Variants in PREX1 observed in about 807,000 individuals in gnomAD.
PREX1 encodes phosphatidylinositol-3,4,5-trisphosphate dependent Rac exchange factor 1.
A neutral mutation model predicts 198.3 loss-of-function variants in PREX1; 41 were observed. That is an observed-to-expected ratio of 0.21 (90% CI 0.16 to 0.27). The LOEUF (loss-of-function observed/expected upper bound fraction) is 0.27, where lower values mean the gene tolerates loss of function less well. Among genes scored for constraint, PREX1 ranks in the 10% least tolerant of loss-of-function variants. The pLI is 1.00. For missense variants in PREX1, 1,620 were observed against 2,200.7 expected (o/e 0.74, Z 5.28); for synonymous variants, 843 against 887.2 (o/e 0.95, Z 0.89).
At chr20:48,730,977 C>T (rs1370460628) in intron 4 of PREX1, among the ~76,000 whole-genome samples, 6 of 152,148 alleles carry the variant, frequency 3.9e-5, no homozygotes, top group Admixed American at 2.6e-4. Flanking sequence ...GCCTGGGTGA[C>T]GCAGCGAGAC....
the PREX1 span, among the ~76,000 whole-genome samples, chr20:48,839,723 G>A: frequency 6.6e-6 from 1 of 152,178 alleles, no homozygotes; most frequent in African/African-American, 2.4e-5. Flanking sequence ...ATGCTGTTAG[G>A]TGAGATGTGC....
intron 3 of PREX1, among the ~76,000 whole-genome samples, chr20:48,735,158 G>A (rs575334334): frequency 2.6e-5 from 4 of 152,152 alleles, no homozygotes; most frequent in Admixed American, 6.5e-5. Context: ...AGGGTTTCCC[G>A]TACTGGAAGA....
intron 1 of PREX1, among the ~76,000 whole-genome samples, chr20:48,814,933 CAG>C (rs946229441): frequency 2.6e-5 from 4 of 152,034 alleles, no homozygotes; most frequent in African/African-American, 9.7e-5. Flanking sequence ...TATAAAGACA[CAG>C]AGGCAGAAAC....
intron 5 of PREX1, among the ~76,000 whole-genome samples, chr20:48,718,962 T>G (rs2089973947): frequency 6.6e-6 from 1 of 152,232 alleles, no homozygotes. Context: ...TTACAATATT[T>G]GAGTCACCAA....
the PREX1 span, among the ~76,000 whole-genome samples, chr20:48,853,661 A>C: frequency 6.6e-6 from 1 of 152,150 alleles, no homozygotes; most frequent in Non-Finnish European, 1.5e-5. Context: ...GCACACACAC[A>C]CATCCAACGC....
chr20:48,866,130 G>C, the PREX1 span, among the ~76,000 whole-genome samples: 1 of 152,044 alleles, frequency 6.6e-6, no homozygotes. Context: ...TAAAGTTTTT[G>C]TAGAGACAAG....
chr20:48,792,032 G>C (rs984779830), intron 1 of PREX1, among the ~76,000 whole-genome samples: 3 of 152,152 alleles, frequency 2.0e-5, no homozygotes, highest in Non-Finnish European at 4.4e-5. Context: ...TGCCTGTGGG[G>C]GCTCACTTCT....
intron 2 of PREX1, among the ~76,000 whole-genome samples, chr20:48,746,187 A>G (rs940349678): frequency 3.3e-5 from 5 of 151,942 alleles, no homozygotes; most frequent in Non-Finnish European, 7.4e-5. Context: ...TGCCTGGCTA[A>G]CTTTTTTTGT....
intron 3 of PREX1, among the ~76,000 whole-genome samples, chr20:48,737,823 C>T (rs2090063839): frequency 6.6e-6 from 1 of 152,172 alleles, no homozygotes; most frequent in African/African-American, 2.4e-5. Flanking sequence ...ATCAGCACTG[C>T]ACAGATAAAA....
the PREX1 span, among the ~76,000 whole-genome samples, chr20:48,845,483 G>A: frequency 3.8e-4 from 58 of 152,250 alleles, no homozygotes; most frequent in African/African-American, 1.3e-3. Context: ...CAGGAAGATT[G>A]CTTGGGGCCA....
intron 1 of PREX1, among the ~76,000 whole-genome samples, chr20:48,795,405 T>A (rs144132296): frequency 6.6e-6 from 1 of 152,198 alleles, no homozygotes; most frequent in East Asian, 1.9e-4. Flanking sequence ...AGGGCAATTT[T>A]GCTTGCCCCA....
intron 5 of PREX1, among the ~76,000 whole-genome samples, chr20:48,719,389 T>G (rs995489754): frequency 6.6e-6 from 1 of 151,970 alleles, no homozygotes; most frequent in Non-Finnish European, 1.5e-5. Context: ...TGACACAGGT[T>G]GAGTCTCTGG....
intron 1 of PREX1, among the ~76,000 whole-genome samples, chr20:48,820,332 TC>T (rs2123073970): frequency 6.6e-6 from 1 of 152,212 alleles, no homozygotes; most frequent in East Asian, 1.9e-4. Flanking sequence ...GCTGGGGTCA[TC>T]CCCATTTTGC....
chr20:48,665,639 G>A (rs1020706451), intron 15 of PREX1, among the ~76,000 whole-genome samples: 1 of 152,152 alleles, frequency 6.6e-6, no homozygotes, highest in Non-Finnish European at 1.5e-5. Context: ...CACATCAAAG[G>A]GCTGCTGTAT....
At chr20:48,774,012 G>A (rs1445196374) in intron 1 of PREX1, among the ~76,000 whole-genome samples, 1 of 152,216 alleles carries the variant, frequency 6.6e-6, no homozygotes, top group East Asian at 1.9e-4. Context: ...GAGATGGGAT[G>A]TGAGGGACGA....
the PREX1 span, among the ~76,000 whole-genome samples, chr20:48,864,203 T>C: frequency 6.6e-6 from 1 of 152,162 alleles, no homozygotes. Context: ...AAACTGAGGC[T>C]AAGGGAGAGG....
the PREX1 span, among the ~76,000 whole-genome samples, chr20:48,844,643 T>C: frequency 2.0e-5 from 3 of 152,158 alleles, no homozygotes; most frequent in Non-Finnish European, 4.4e-5. Context: ...GACAGCACGA[T>C]GTCTAGGGGC....
chr20:48,625,817 C>A lies in PREX1; in HGVS notation c.*68G>T. The A allele has an allele frequency of 6.8e-7, 1 of 1,472,252 alleles. No homozygotes were observed. The highest frequency in any genetic ancestry group is 2.3e-5 in the Admixed American group (1 of 43,986). 91.2% of individuals were successfully genotyped at this position (1,472,252 alleles called of 1,614,324 possible). A position where few individuals can be genotyped will look rare whatever the true frequency, so the allele number is the denominator to read the frequency against. ...TTGGGCCATCCCTGGAGAAGGCCAG[C>A]GCTGCCTGCTGTGTCCTCCCAAATC... On this transcript the variant is annotated 3_prime_UTR_variant, in exon 40 of 40. Coordinates refer to ENST00000371941, the MANE Select transcript of PREX1 (RefSeq NM_020820.4).
chr20:48,704,024 C>A (rs1041938775), intron 6 of PREX1, among the ~76,000 whole-genome samples: 2 of 152,234 alleles, frequency 1.3e-5, no homozygotes, highest in African/African-American at 4.8e-5. Context: ...AAACCTTACA[C>A]ACTCAAAGCC....
Sources: allele counts gnomAD v4.1 joint callset (sites outside exome capture counted in the v4.1 genomes callset), GRCh38; gene constraint gnomAD v4.1.1; transcripts MANE v1.5; gene names NCBI Gene and HGNC (gene_info 2026-07-23, HGNC 2026-07-21).